TENM4: variants seen among roughly 807,000 people sequenced by gnomAD.
The protein encoded by TENM4 is teneurin transmembrane protein 4, also known as teneurin-4.
A neutral mutation model predicts 243.3 loss-of-function variants in TENM4; 82 were observed. The ratio of observed to expected loss-of-function variants is 0.34; its 90% CI spans 0.28 to 0.40. The LOEUF (loss-of-function observed/expected upper bound fraction) is 0.40, where lower values mean the gene tolerates loss of function less well. Among genes scored for constraint, TENM4 ranks in the 10% least tolerant of loss-of-function variants. The pLI is 1.00. For synonymous variants in TENM4, 1,412 were observed against 1,456.3 expected (o/e 0.97, Z 0.69); for missense variants, 3,138 against 3,673.3 (o/e 0.85, Z 3.77).
chr11:79,154,347 T>A (rs948981347), intron 3 of TENM4, among the ~76,000 whole-genome samples: 1 of 151,778 alleles, frequency 6.6e-6, no homozygotes, highest in Non-Finnish European at 1.5e-5. Context: ...CATAAACTCA[T>A]AGAGTGAGAA....
intron 16 of TENM4, among the ~76,000 whole-genome samples, chr11:78,783,734 C>G (rs1450713631): frequency 1.3e-5 from 2 of 152,224 alleles, no homozygotes; most frequent in African/African-American, 4.8e-5. Flanking sequence ...GAGGATGCCA[C>G]TGTCAAATTC....
chr11:78,690,839 G>T (rs1218931845), intron 28 of TENM4, among the ~76,000 whole-genome samples: 1 of 152,096 alleles, frequency 6.6e-6, no homozygotes. Context: ...TGCTGTTCTA[G>T]GCTGACTCTT....
chr11:78,877,213 G>C (rs1859288375), intron 9 of TENM4, among the ~76,000 whole-genome samples: 1 of 112,214 alleles, frequency 8.9e-6, no homozygotes, highest in Non-Finnish European at 2.1e-5. Flanking sequence ...AGTGGAAGGA[G>C]AAATACTGTG....
intron 2 of TENM4, among the ~76,000 whole-genome samples, chr11:79,219,421 C>A (rs189670366): frequency 3.0e-4 from 45 of 152,278 alleles, no homozygotes; most frequent in African/African-American, 9.6e-4. Context: ...ATGTGGCAAG[C>A]CTTGCACAAT....
At chr11:78,690,662 T>C (rs2135730281) in intron 28 of TENM4, among the ~76,000 whole-genome samples, 1 of 152,180 alleles carries the variant, frequency 6.6e-6, no homozygotes, top group South Asian at 2.1e-4. Context: ...ATTACTAGGG[T>C]ACTCCAAGTT....
At chr11:78,928,599 G>T (rs11602756) in intron 6 of TENM4, among the ~76,000 whole-genome samples, 3 of 152,196 alleles carry the variant, frequency 2.0e-5, no homozygotes, top group Non-Finnish European at 4.4e-5. Context: ...GATCCACATA[G>T]GTTCAAATTC....
intron 3 of TENM4, among the ~76,000 whole-genome samples, chr11:79,213,650 G>C (rs1863993516): frequency 2.0e-5 from 3 of 152,218 alleles, no homozygotes; most frequent in Admixed American, 2.0e-4. Flanking sequence ...TCTTGGGCTG[G>C]GCGTTGGGGA....
chr11:78,706,779 T>A (rs944510385), intron 27 of TENM4, among the ~76,000 whole-genome samples: 4 of 152,170 alleles, frequency 2.6e-5, no homozygotes, highest in African/African-American at 9.7e-5. Flanking sequence ...GCTGGCTGGT[T>A]GAGGGCCCAT....
At chr11:78,850,221 G>A (rs1591069826) in intron 12 of TENM4, among the ~76,000 whole-genome samples, 1 of 152,102 alleles carries the variant, frequency 6.6e-6, no homozygotes, top group South Asian at 2.1e-4. Context: ...ATCATCAGCT[G>A]GATTGCATTA....
intron 6 of TENM4, among the ~76,000 whole-genome samples, chr11:79,040,606 T>C (rs1351179621): frequency 6.6e-6 from 1 of 152,086 alleles, no homozygotes; most frequent in Non-Finnish European, 1.5e-5. Context: ...AAGCTTGCCA[T>C]GAAAAGCAGG....
intron 1 of TENM4, among the ~76,000 whole-genome samples, chr11:79,319,616 C>T (rs556959439): frequency 6.6e-6 from 1 of 152,284 alleles, no homozygotes. Context: ...GCAGCCTGAT[C>T]TGAAGCCTTG....
Position 79,405,905 on chromosome 11 carries a change from T to C in TENM4, c.-321+34604A>G, listed in dbSNP as rs1423395653. On this transcript the variant is annotated intron_variant, in intron 1 of 33. Coordinates refer to ENST00000278550, the MANE Select transcript of TENM4 (RefSeq NM_001098816.3). The stretch of plus-strand genomic sequence containing the variant: ...TCCTAGATGTGCTCTTAACTGCATG[T>C]CCTTATCTGGAACTCCGGATGGGCG... Among the ~76,000 whole-genome samples, 8 of 149,756 alleles carry C rather than the reference T, an allele frequency of 5.3e-5. No homozygotes were observed. In the South Asian group the frequency reaches 1.5e-3, roughly 28 times the overall value.
chr11:79,245,694 C>G (rs775525072), intron 2 of TENM4, among the ~76,000 whole-genome samples: 2 of 152,056 alleles, frequency 1.3e-5, no homozygotes, highest in Non-Finnish European at 2.9e-5. Flanking sequence ...AATCCCAGCA[C>G]TTTGGGAGGC....
intron 1 of TENM4, among the ~76,000 whole-genome samples, chr11:79,325,608 G>A (rs1856961212): frequency 6.6e-6 from 1 of 152,180 alleles, no homozygotes; most frequent in East Asian, 1.9e-4. Flanking sequence ...ACTGAGATCA[G>A]GCTACCCAGT....
intron 1 of TENM4, among the ~76,000 whole-genome samples, chr11:79,439,690 C>CACACACAT (rs1353961753): frequency 6.6e-6 from 1 of 151,814 alleles, no homozygotes; most frequent in Non-Finnish European, 1.5e-5. Flanking sequence ...CACACACACA[C>CACACACAT]ACGCCGCCCC....
At chr11:79,357,461 T>A (rs1221084265) in intron 1 of TENM4, among the ~76,000 whole-genome samples, 1 of 152,212 alleles carries the variant, frequency 6.6e-6, no homozygotes, top group East Asian at 1.9e-4. Flanking sequence ...CCATTCTGAA[T>A]TCACCTGGGG....
chr11:78,893,802 CCT>C (rs1205021364), intron 7 of TENM4, among the ~76,000 whole-genome samples: 1 of 151,776 alleles, frequency 6.6e-6, no homozygotes, highest in East Asian at 1.9e-4. Flanking sequence ...CACACACACT[CCT>C]CTCTTTCTCT....
intron 25 of TENM4, among the ~76,000 whole-genome samples, chr11:78,719,999 A>G (rs1859608566): frequency 6.6e-6 from 1 of 152,192 alleles, no homozygotes; most frequent in Non-Finnish European, 1.5e-5. Context: ...CCTGATCAAG[A>G]TGTTCTCAGG....
At chr11:79,295,854 A>G (rs1468994748) in intron 2 of TENM4, among the ~76,000 whole-genome samples, 12 of 66,786 alleles carry the variant, frequency 1.8e-4, no homozygotes, top group Non-Finnish European at 3.1e-4. Flanking sequence ...TTACACCCGT[A>G]AGTGTTTTTT....
Sources: gnomAD v4.1 joint callset for allele counts (sites outside exome capture counted in the v4.1 genomes callset) on GRCh38, gnomAD v4.1.1 for gene constraint, MANE v1.5 for transcripts, NCBI Gene and HGNC (gene_info 2026-07-23, HGNC 2026-07-21) for gene names.